The following LRMDA variants were observed in gnomAD, a reference collection of about 807,000 sequenced individuals.
The protein encoded by LRMDA is leucine-rich melanocyte differentiation-associated protein.
A neutral mutation model predicts 29.8 loss-of-function variants in LRMDA; 18 were observed. The observed-to-expected ratio is 0.60, with a 90% confidence interval of 0.42 to 0.90. The LOEUF is 0.90. Ranked by LOEUF, LRMDA falls within the 40% of genes least tolerant of loss-of-function variation. The pLI is 0.00. For synonymous variants in LRMDA, 125 were observed against 109.4 expected (o/e 1.14, Z -0.89); for missense variants, 273 against 273.9 (o/e 1.00, Z 0.02).
intron 5 of LRMDA, among the ~76,000 whole-genome samples, chr10:76,144,366 C>A (rs924383954): frequency 3.9e-5 from 6 of 152,040 alleles, no homozygotes; most frequent in South Asian, 2.1e-4. Flanking sequence ...CTTTTATTTC[C>A]TTGAGCAGTG....
Position 75,483,731 on chromosome 10 carries a change from C to T in LRMDA, c.131+45237C>T, listed in dbSNP as rs559785743. 8.5e-5 allele frequency among the ~76,000 whole-genome samples: 13 copies of T among 152,244 alleles called. No homozygotes were observed. In the East Asian group the frequency reaches 9.7e-4, roughly 11 times the overall value. Reference sequence around the variant, plus strand: ...ATAAGCCACCTTACTACTGTCTCTTCTCTAAAAGTTTTTCAATTCTCCTGG... The same window carrying T: ...ATAAGCCACCTTACTACTGTCTCTTTTCTAAAAGTTTTTCAATTCTCCTGG... On this transcript the variant is annotated intron_variant, in intron 2 of 6. Coordinates refer to ENST00000611255, the MANE Select transcript of LRMDA (RefSeq NM_001305581.2).
intron 2 of LRMDA, among the ~76,000 whole-genome samples, chr10:75,840,144 C>T (rs1844513990): frequency 1.3e-5 from 2 of 152,146 alleles, no homozygotes; most frequent in South Asian, 2.1e-4. Flanking sequence ...TCCTTCTCTT[C>T]GTTTTTACTT....
intron 2 of LRMDA, among the ~76,000 whole-genome samples, chr10:75,843,954 T>C (rs1274533248): frequency 6.6e-6 from 1 of 151,962 alleles, no homozygotes. Context: ...ATAGAGAGTC[T>C]TGAATAGAAA....
chr10:75,712,617 T>G (rs1216927127), intron 2 of LRMDA, among the ~76,000 whole-genome samples: 1 of 152,116 alleles, frequency 6.6e-6, no homozygotes, highest in Non-Finnish European at 1.5e-5. Flanking sequence ...ACAAACAGAA[T>G]GAAAGACAGA....
intron 5 of LRMDA, among the ~76,000 whole-genome samples, chr10:76,132,923 C>G (rs1850021070): frequency 6.6e-6 from 1 of 151,264 alleles, no homozygotes; most frequent in Admixed American, 6.6e-5. Context: ...CCGCCTCAGC[C>G]TCCTGAGTAG....
chr10:76,264,974 A>G (rs2132313743), intron 5 of LRMDA, among the ~76,000 whole-genome samples: 1 of 152,342 alleles, frequency 6.6e-6, no homozygotes, highest in South Asian at 2.1e-4. Flanking sequence ...ACCTTTCAAA[A>G]GTGAAGGAAC....
chr10:75,761,794 GT>G (rs796289608), intron 2 of LRMDA, among the ~76,000 whole-genome samples: 4,980 of 121,598 alleles, frequency 0.041, 199 homozygotes, highest in African/African-American at 0.14. Context: ...GTATACTTTT[GT>G]TTTTTTTTTT....
chr10:75,723,035 A>G (rs1387723438), intron 2 of LRMDA, among the ~76,000 whole-genome samples: 2 of 152,234 alleles, frequency 1.3e-5, no homozygotes, highest in Non-Finnish European at 2.9e-5. Context: ...TCTTCTATTG[A>G]AGGTGTTGAG....
intron 2 of LRMDA, among the ~76,000 whole-genome samples, chr10:75,928,027 G>T (rs1589256310): frequency 6.7e-6 from 1 of 149,774 alleles, no homozygotes; most frequent in Non-Finnish European, 1.5e-5. Context: ...TAACCACTCA[G>T]TAAGTTTTAG....
intron 6 of LRMDA, among the ~76,000 whole-genome samples, chr10:76,382,813 C>G (rs577333742): frequency 6.6e-6 from 1 of 152,292 alleles, no homozygotes; most frequent in South Asian, 2.1e-4. Context: ...CCACTCTCCC[C>G]CAAGCCAAGG....
chr10:76,223,367 C>A (rs569007722), intron 5 of LRMDA, among the ~76,000 whole-genome samples: 4 of 152,252 alleles, frequency 2.6e-5, no homozygotes, highest in African/African-American at 9.6e-5. Flanking sequence ...CCAGCCATTT[C>A]TTGTAGAGAT....
chr10:75,637,385 T>TGGAGGC (rs1841401794), intron 2 of LRMDA, among the ~76,000 whole-genome samples: 1 of 151,614 alleles, frequency 6.6e-6, no homozygotes, highest in Non-Finnish European at 1.5e-5. Context: ...CATAGAAAAA[T>TGGAGGC]GGAGGCAGAG....
intron 2 of LRMDA, among the ~76,000 whole-genome samples, chr10:75,572,443 T>C (rs761899580): frequency 6.6e-6 from 1 of 152,038 alleles, no homozygotes; most frequent in Non-Finnish European, 1.5e-5. Context: ...GATAGAACAA[T>C]GCCTACCACA....
chr10:76,220,011 A>G (rs1325246967), intron 5 of LRMDA, among the ~76,000 whole-genome samples: 5 of 152,238 alleles, frequency 3.3e-5, no homozygotes, highest in South Asian at 2.1e-4. Context: ...CTGCTCCTGA[A>G]TAACTACTGG....
chr10:75,739,709 G>C (rs771164015), intron 2 of LRMDA, among the ~76,000 whole-genome samples: 2 of 152,184 alleles, frequency 1.3e-5, no homozygotes, highest in Non-Finnish European at 2.9e-5. Context: ...GAATGTTTTT[G>C]TGACTGAAGC....
intron 2 of LRMDA, among the ~76,000 whole-genome samples, chr10:75,525,628 G>A (rs1444527123): frequency 7.4e-6 from 1 of 134,976 alleles, no homozygotes; most frequent in Non-Finnish European, 1.5e-5. Flanking sequence ...AGGGCAAATA[G>A]GCTCTTTACA....
chr10:75,958,200 T>C (rs1289340713), intron 2 of LRMDA, among the ~76,000 whole-genome samples: 1 of 152,176 alleles, frequency 6.6e-6, no homozygotes, highest in Non-Finnish European at 1.5e-5. Flanking sequence ...CAAGGGCTGC[T>C]TCAGGTACAT....
At chr10:75,807,758 G>A (rs993487222) in intron 2 of LRMDA, among the ~76,000 whole-genome samples, 3 of 152,296 alleles carry the variant, frequency 2.0e-5, no homozygotes, top group South Asian at 4.1e-4. Flanking sequence ...TTGATCTGCC[G>A]TAGATGGAAA....
rs770769253 is a variant in LRMDA at position 76,058,692 on chromosome 10, A to G, written c.425A>G (p.Asn142Ser). Residue 142 changes from asparagine (N) to serine (S), a missense_variant, in exon 5 of 7, where the codon AAC becomes AGC. By Grantham distance (46) the Asn-to-Ser change is conservative (BLOSUM62 1). Coordinates refer to ENST00000611255, the MANE Select transcript of LRMDA (RefSeq NM_001305581.2). ...TGCTTTGTTCTGTACAAGCTGCCCA[A>G]CTTGAAATTTCTGGATGCCCAGAAA... ...YRCFVLYKLP[N>S]LKFLDAQKVT... 6 of 1,614,056 alleles carry G rather than the reference A, an allele frequency of 3.7e-6. No homozygotes were observed. Among genetic ancestry groups the G allele is most frequent in the East Asian group, 4.5e-5 (2 of 44,864 alleles).
Sources: allele counts gnomAD v4.1 joint callset (sites outside exome capture counted in the v4.1 genomes callset), GRCh38; gene constraint gnomAD v4.1.1; transcripts MANE v1.5; gene names NCBI Gene and HGNC (gene_info 2026-07-23, HGNC 2026-07-21).